Variants in CD1B observed in about 807,000 individuals in gnomAD.
CD1B encodes the protein CD1b molecule, also known as T-cell surface glycoprotein CD1b.
CD1B carries 43 observed loss-of-function variants against 39.8 expected under a neutral mutation model. That is an observed-to-expected ratio of 1.08 (90% confidence interval 0.85 to 1.39). The LOEUF is 1.39. CD1B is among the 40% of genes most tolerant of loss of function. CD1B has a pLI of 0.00. For missense variants in CD1B, 495 were observed against 403.8 expected, an observed-to-expected ratio of 1.23 and a Z score of -1.94; for synonymous variants, 192 against 152.5, an observed-to-expected ratio of 1.26 and a Z score of -1.91.
At chr1:158,322,563 C>T in the CD1B span, among the ~76,000 whole-genome samples, 7 of 152,172 alleles carry the variant, frequency 4.6e-5, no homozygotes, top group South Asian at 2.1e-4. Context: ...AGCTACCATG[C>T]CTGGCCTGTA....
At chr1:158,301,841 G>A in the CD1B span, among the ~76,000 whole-genome samples, 1 of 152,134 alleles carries the variant, frequency 6.6e-6, no homozygotes, top group East Asian at 1.9e-4. Flanking sequence ...TGCCTTGCTA[G>A]GTTGGGGATG....
chr1:158,316,310 G>T, the CD1B span, among the ~76,000 whole-genome samples: 1 of 151,930 alleles, frequency 6.6e-6, no homozygotes, highest in Non-Finnish European at 1.5e-5. Flanking sequence ...TCTTCCATTT[G>T]TTTTTATCCT....
Position 158,331,402 on chromosome 1 carries a change from G to C in CD1B, c.22C>G (p.Leu8Val). 3 of 1,614,042 alleles carry C rather than the reference G, an allele frequency of 1.9e-6. No homozygotes were observed. The highest frequency in any genetic ancestry group is 2.5e-6 in the Non-Finnish European group (3 of 1,179,924). The change falls in exon 1 of 6, where the codon CTG becomes GTG. Residue 8 changes from leucine to valine, a missense_variant. By Grantham distance (32) the Leu-to-Val change is conservative. Transcript: ENST00000368168. MLLLPFQLLAVLFPGGNS... is the reference protein window; with the variant it reads MLLLPFQVLAVLFPGGNS... The stretch of plus-strand genomic sequence containing the variant: ...CCACCAGGAAAGAGAACAGCTAACA[G>C]TTGAAATGGCAGCAGCAGCATTTCA...
the CD1B span, among the ~76,000 whole-genome samples, chr1:158,298,252 C>T: frequency 6.6e-6 from 1 of 152,120 alleles, no homozygotes; most frequent in Non-Finnish European, 1.5e-5. Context: ...AAAACAAGTA[C>T]TTAGAGACCC....
At chr1:158,319,026 G>A in the CD1B span, among the ~76,000 whole-genome samples, 1 of 151,908 alleles carries the variant, frequency 6.6e-6, no homozygotes, top group Non-Finnish European at 1.5e-5. Context: ...TTTCTGCCAA[G>A]AGATCCGCTG....
chr1:158,292,120 T>C, the CD1B span: 1 of 1,614,200 alleles, frequency 6.2e-7, no homozygotes, highest in South Asian at 1.1e-5. Flanking sequence ...GGCTGTGAGC[T>C]GCATTCTGGA....
intron 3 of CD1B, 86 bp from the exon 4 acceptor site, chr1:158,329,734 G>A (rs1481204338): frequency 1.9e-5 from 29 of 1,564,664 alleles, no homozygotes; most frequent in South Asian, 1.5e-4. Flanking sequence ...CTTGGACAGC[G>A]ACCCCATTCA....
intron 3 of CD1B, 39 bp from the exon 4 acceptor site, chr1:158,329,687 C>A (rs1652506969): frequency 6.2e-7 from 1 of 1,602,974 alleles, no homozygotes. Context: ...CATGTTATAA[C>A]TCGAGTTCAG....
At chr1:158,288,415 A>C in the CD1B span, among the ~76,000 whole-genome samples, 2 of 152,238 alleles carry the variant, frequency 1.3e-5, no homozygotes, top group Non-Finnish European at 2.9e-5. Context: ...TTTTTAAGGC[A>C]CGGTCTTGCT....
At chr1:158,305,161 C>T in the CD1B span, among the ~76,000 whole-genome samples, 1 of 152,008 alleles carries the variant, frequency 6.6e-6, no homozygotes, top group Non-Finnish European at 1.5e-5. Flanking sequence ...GAAGTTCGAA[C>T]TCATCGCAAA....
At chr1:158,291,366 G>A in the CD1B span, 3 of 1,614,110 alleles carry the variant, frequency 1.9e-6, no homozygotes, top group Non-Finnish European at 2.5e-6. Context: ...TAACTCGGGA[G>A]ATTCAAGACC....
At chr1:158,315,913 G>A in the CD1B span, among the ~76,000 whole-genome samples, 1 of 151,988 alleles carries the variant, frequency 6.6e-6, no homozygotes, top group Non-Finnish European at 1.5e-5. Flanking sequence ...ATTAAATGGG[G>A]AATCCTTTCC....
chr1:158,292,424 T>C, the CD1B span: 1 of 1,548,406 alleles, frequency 6.5e-7, no homozygotes, highest in Non-Finnish European at 8.7e-7. Context: ...CCCCTTCTGT[T>C]CCCACCCTTC....
At chr1:158,292,735 A>G in the CD1B span, 2 of 1,614,176 alleles carry the variant, frequency 1.2e-6, no homozygotes, top group South Asian at 1.1e-5. Flanking sequence ...TGGGCACTAA[A>G]CATGGTGATA....
the CD1B span, chr1:158,293,634 T>G: frequency 6.4e-7 from 1 of 1,553,568 alleles, no homozygotes; most frequent in Non-Finnish European, 8.8e-7. Flanking sequence ...TTTGGAATGT[T>G]TTTCTTGGAA....
chr1:158,304,534 G>A, the CD1B span, among the ~76,000 whole-genome samples: 8 of 152,178 alleles, frequency 5.3e-5, no homozygotes, highest in Non-Finnish European at 1.2e-4. Context: ...CAAACCAAAG[G>A]CAGCAGAATC....
chr1:158,292,357 ACAG>A, the CD1B span: 2 of 1,613,362 alleles, frequency 1.2e-6, no homozygotes, highest in East Asian at 2.2e-5. Context: ...ATGTATGTAC[ACAG>A]GCAAGGTCAG....
chr1:158,310,337 T>G, the CD1B span, among the ~76,000 whole-genome samples: 1 of 152,170 alleles, frequency 6.6e-6, no homozygotes. Flanking sequence ...ATTAAAGACT[T>G]AAATGTAAAA....
intron 4 of CD1B, 146 bp downstream of exon 4, chr1:158,329,224 T>C: frequency 1.8e-6 from 2 of 1,119,734 alleles, no homozygotes; most frequent in South Asian, 3.2e-5. Flanking sequence ...TATCTATTTT[T>C]ACTCCTGTTG....
Sources: gnomAD v4.1 joint callset for allele counts (sites outside exome capture counted in the v4.1 genomes callset) on GRCh38, gnomAD v4.1.1 for gene constraint, MANE v1.5 for transcripts, NCBI Gene and HGNC (gene_info 2026-07-23, HGNC 2026-07-21) for gene names.